SHC4: variants seen among roughly 807,000 people sequenced by gnomAD.
SHC4 encodes SHC adaptor protein 4, also known as SHC-transforming protein 4.
Under a neutral mutation model 69.4 loss-of-function variants are expected in SHC4, and 41 were observed. The ratio of observed to expected loss-of-function variants is 0.59; its 90% CI spans 0.46 to 0.77. The LOEUF (loss-of-function observed/expected upper bound fraction) is 0.77. SHC4 is among the 30% of genes least tolerant of loss of function. The probability of loss-of-function intolerance (pLI) is 0.00; values close to 1 mark genes in which losing one functional copy is unlikely to be tolerated. For missense variants in SHC4, 777 were observed against 783.8 expected, an observed-to-expected ratio of 0.99 and a Z score of 0.10; for synonymous variants, 318 against 299.3, an observed-to-expected ratio of 1.06 and a Z score of -0.64.
chr15:48,941,385 A>G (rs1901172262), intron 1 of SHC4, among the ~76,000 whole-genome samples: 1 of 152,190 alleles, frequency 6.6e-6, no homozygotes. Context: ...AGAGATTTAA[A>G]ATTTGATATG....
chr15:48,846,949 T>C (rs1315798677), intron 9 of SHC4, among the ~76,000 whole-genome samples: 1 of 151,012 alleles, frequency 6.6e-6, no homozygotes, highest in Non-Finnish European at 1.5e-5. Context: ...ATCTAGCCTC[T>C]CTTGAAAACT....
Position 48,857,710 on chromosome 15 carries a change from AAAG to A in SHC4, c.1049_1051del (p.Ser350del), listed in dbSNP as rs1370483902. The A allele has an allele frequency of 6.2e-7, 1 of 1,601,850 alleles. No homozygotes were observed. On this transcript the variant is annotated inframe_deletion, in exon 7 of 12. Transcript: ENST00000332408. ...GGCTGACCTTTCACAAGAAGTATTC[AAAG>A]AAGGATTTTTCAAGTACTGTTTAAA...
chr15:48,916,307 AC>A (rs1900620574), intron 2 of SHC4, among the ~76,000 whole-genome samples: 3 of 151,014 alleles, frequency 2.0e-5, no homozygotes, highest in South Asian at 4.3e-4. Flanking sequence ...ACACACACAC[AC>A]ACACACACAC....
intron 6 of SHC4, among the ~76,000 whole-genome samples, chr15:48,863,357 T>C (rs1200749110): frequency 1.3e-5 from 2 of 152,142 alleles, no homozygotes; most frequent in Non-Finnish European, 2.9e-5. Context: ...TTCATAATGT[T>C]TTTTGCATTA....
At chr15:48,946,932 C>CA (rs144741170) in intron 1 of SHC4, among the ~76,000 whole-genome samples, 4,349 of 152,240 alleles carry the variant, frequency 0.029, 222 homozygotes, top group African/African-American at 0.1. Context: ...TGAGAAGAGA[C>CA]ACTTGACATA....
chr15:48,873,510 C>T (rs1475123490), intron 4 of SHC4, among the ~76,000 whole-genome samples: 2 of 152,182 alleles, frequency 1.3e-5, no homozygotes, highest in South Asian at 2.1e-4. Flanking sequence ...TTTGGGAGGC[C>T]GTGGCGGGCG....
At chr15:48,891,557 A>T (rs1285430930) in intron 2 of SHC4, among the ~76,000 whole-genome samples, 3 of 152,230 alleles carry the variant, frequency 2.0e-5, no homozygotes, top group Admixed American at 2.0e-4. Flanking sequence ...CTGAGCATTC[A>T]TAACTGCCCA....
chr15:48,849,656 G>A (rs560326498), intron 9 of SHC4, among the ~76,000 whole-genome samples: 2 of 152,180 alleles, frequency 1.3e-5, no homozygotes, highest in East Asian at 1.9e-4. Context: ...GAACATGGTT[G>A]CAATACCACA....
chr15:48,898,028 C>T (rs1262808017), intron 2 of SHC4, among the ~76,000 whole-genome samples: 2 of 152,146 alleles, frequency 1.3e-5, no homozygotes, highest in African/African-American at 4.8e-5. Context: ...TCTTGGATTG[C>T]CTTCTTATTA....
At chr15:48,955,391 C>G (rs1313070198) in intron 1 of SHC4, among the ~76,000 whole-genome samples, 1 of 152,106 alleles carries the variant, frequency 6.6e-6, no homozygotes. Flanking sequence ...ATGGAACTGT[C>G]ATATTGGGGT....
intron 9 of SHC4, among the ~76,000 whole-genome samples, chr15:48,849,045 G>A (rs903551258): frequency 1.3e-5 from 2 of 152,040 alleles, no homozygotes; most frequent in Non-Finnish European, 2.9e-5. Flanking sequence ...GGAGAGGAGA[G>A]AAACAAACTG....
chr15:48,878,870 A>G, intron 4 of SHC4: 2 of 738,194 alleles, frequency 2.7e-6, no homozygotes, highest in Non-Finnish European at 2.2e-6. Context: ...TTTTCAGAAT[A>G]GAACACAATA....
intron 9 of SHC4, 65 bp from the exon 10 acceptor site, chr15:48,843,653 T>G: frequency 6.8e-7 from 1 of 1,461,376 alleles, no homozygotes; most frequent in Non-Finnish European, 9.3e-7. Context: ...TAAAATCATG[T>G]TTGAGTCTAG....
chr15:48,859,847 T>G lies in SHC4; in HGVS notation c.947-2032A>C, dbSNP rs144460759. Among the ~76,000 whole-genome samples the G allele has an allele frequency of 2.9e-3, 440 of 152,284 alleles. 2 individuals carry two copies. Among genetic ancestry groups the G allele is most frequent in the African/African-American group, 0.01 (422 of 41,554 alleles). Reference sequence around the variant, plus strand: ...GACCTAAAAAGTACCCTTGGAGATGTATCCTCCAGTTGAGCCATGAGAAGC... The same window carrying G: ...GACCTAAAAAGTACCCTTGGAGATGGATCCTCCAGTTGAGCCATGAGAAGC... On this transcript the variant is annotated intron_variant, in intron 6 of 11. Coordinates refer to ENST00000332408, the MANE Select transcript of SHC4 (RefSeq NM_203349.4).
chr15:48,880,273 C>G (rs1047461002), intron 4 of SHC4: 2 of 166,436 alleles, frequency 1.2e-5, no homozygotes, highest in African/African-American at 4.8e-5. Context: ...CAGAATTGCT[C>G]AGACACTAGC....
At chr15:48,938,709 C>G (rs1372044363) in intron 1 of SHC4, among the ~76,000 whole-genome samples, 1 of 152,196 alleles carries the variant, frequency 6.6e-6, no homozygotes, top group South Asian at 2.1e-4. Context: ...ATGCCCCAGC[C>G]AATGTGCTCG....
intron 9 of SHC4, among the ~76,000 whole-genome samples, chr15:48,845,156 A>C (rs922591268): frequency 6.6e-6 from 1 of 152,210 alleles, no homozygotes; most frequent in Non-Finnish European, 1.5e-5. Context: ...CTATTGCTTT[A>C]GTCATTAAAC....
intron 5 of SHC4, among the ~76,000 whole-genome samples, chr15:48,868,493 C>T (rs1429376808): frequency 6.6e-6 from 1 of 152,198 alleles, no homozygotes; most frequent in Non-Finnish European, 1.5e-5. Context: ...AGATGCACTG[C>T]TGACTTCGTA....
At chr15:48,876,668 G>A in intron 4 of SHC4, 3 of 641,392 alleles carry the variant, frequency 4.7e-6, no homozygotes, top group South Asian at 3.4e-5. Flanking sequence ...TCCAACACAG[G>A]AGAAAGATTT....
Sources: gnomAD v4.1 joint callset for allele counts (sites outside exome capture counted in the v4.1 genomes callset) on GRCh38, gnomAD v4.1.1 for gene constraint, MANE v1.5 for transcripts, NCBI Gene and HGNC (gene_info 2026-07-23, HGNC 2026-07-21) for gene names.